Variants in NRG1 observed in about 807,000 individuals in gnomAD.
The protein encoded by NRG1 is neuregulin 1, also known as pro-neuregulin-1, membrane-bound isoform.
NRG1 carries 18 observed loss-of-function variants against 63.8 expected under a neutral mutation model. That is an observed-to-expected ratio of 0.28 (90% CI 0.19 to 0.42). The LOEUF is 0.42. Among genes scored for constraint, NRG1 ranks in the 10% least tolerant of loss-of-function variants. NRG1 has a pLI of 1.00. For synonymous variants in NRG1, 302 were observed against 301.3 expected (o/e 1.00, Z -0.02); for missense variants, 762 against 814.7 (o/e 0.94, Z 0.79).
chr8:31,920,253 A>T (rs1833787111), intron 1 of NRG1, among the ~76,000 whole-genome samples: 1 of 152,162 alleles, frequency 6.6e-6, no homozygotes, highest in Admixed American at 6.6e-5. Flanking sequence ...CACTGTACAT[A>T]AATATTTTGA....
intron 1 of NRG1, among the ~76,000 whole-genome samples, chr8:32,122,335 T>A (rs971514102): frequency 6.6e-6 from 1 of 151,978 alleles, no homozygotes; most frequent in African/African-American, 2.4e-5. Context: ...GGTGGGTTTT[T>A]GGTAGTCACA....
chr8:32,639,923 A>G (rs1206212642), intron 5 of NRG1, among the ~76,000 whole-genome samples: 1 of 152,234 alleles, frequency 6.6e-6, no homozygotes, highest in Non-Finnish European at 1.5e-5. Context: ...CTCTTACTGC[A>G]TTAAACTACA....
intron 1 of NRG1, among the ~76,000 whole-genome samples, chr8:32,303,663 G>A (rs1035987001): frequency 5.9e-5 from 9 of 152,142 alleles, no homozygotes; most frequent in African/African-American, 1.9e-4. Context: ...TAATGGTTTC[G>A]TTTTCTCATC....
intron 5 of NRG1, among the ~76,000 whole-genome samples, chr8:32,666,808 G>C (rs1451375178): frequency 3.9e-5 from 6 of 152,072 alleles, no homozygotes; most frequent in African/African-American, 7.3e-5. Flanking sequence ...CCAGTCCCTG[G>C]CAACCACCAT....
chr8:31,954,896 C>G (rs891920630), intron 1 of NRG1, among the ~76,000 whole-genome samples: 1 of 152,118 alleles, frequency 6.6e-6, no homozygotes, highest in Non-Finnish European at 1.5e-5. Flanking sequence ...ACCTCCAATA[C>G]TTTAGCTGGA....
chr8:32,434,903 G>A (rs1818595101), intron 1 of NRG1, among the ~76,000 whole-genome samples: 1 of 152,148 alleles, frequency 6.6e-6, no homozygotes, highest in South Asian at 2.1e-4. Flanking sequence ...GTATATGGAA[G>A]GATGTGCATA....
intron 1 of NRG1, among the ~76,000 whole-genome samples, chr8:32,070,997 G>A (rs1825680309): frequency 6.6e-6 from 1 of 152,002 alleles, no homozygotes; most frequent in African/African-American, 2.4e-5. Flanking sequence ...CCACTTCGAG[G>A]CCTCACACCT....
At chr8:32,446,927 A>G (rs1820319404) in intron 1 of NRG1, among the ~76,000 whole-genome samples, 1 of 152,172 alleles carries the variant, frequency 6.6e-6, no homozygotes, top group Non-Finnish European at 1.5e-5. Context: ...TAAAATAGCC[A>G]TGGGGAAAAA....
chr8:32,735,065 A>G (rs1824658245), intron 6 of NRG1, among the ~76,000 whole-genome samples: 1 of 152,212 alleles, frequency 6.6e-6, no homozygotes, highest in South Asian at 2.1e-4. Context: ...ACAATGAAAG[A>G]CCTAGTCAGA....
intron 1 of NRG1, among the ~76,000 whole-genome samples, chr8:32,085,173 A>G (rs1191785329): frequency 1.3e-5 from 2 of 152,192 alleles, no homozygotes; most frequent in Admixed American, 6.5e-5. Flanking sequence ...TTTAAAATTT[A>G]TATCCACTCG....
intron 1 of NRG1, among the ~76,000 whole-genome samples, chr8:32,328,601 A>C (rs1802284816): frequency 6.6e-6 from 1 of 152,144 alleles, no homozygotes; most frequent in South Asian, 2.1e-4. Flanking sequence ...GGGAGTATGT[A>C]CAGCAAAAGT....
intron 1 of NRG1, among the ~76,000 whole-genome samples, chr8:32,082,471 TG>T (rs1236574511): frequency 1.3e-5 from 2 of 152,130 alleles, no homozygotes; most frequent in Non-Finnish European, 2.9e-5. Context: ...ATGTAGTATT[TG>T]GTTTTCTGTT....
chr8:32,537,192 T>A (rs1832075526), intron 1 of NRG1, among the ~76,000 whole-genome samples: 1 of 13,078 alleles, frequency 7.6e-5, no homozygotes, highest in Non-Finnish European at 1.4e-4. Context: ...TGAGACTCCA[T>A]CTCAAAAAAA....
At chr8:32,379,148 A>G (rs911403629) in intron 1 of NRG1, among the ~76,000 whole-genome samples, 2 of 149,140 alleles carry the variant, frequency 1.3e-5, no homozygotes, top group South Asian at 2.1e-4. Flanking sequence ...GGAAAGCTCA[A>G]TGAAATCTCC....
Position 32,671,129 on chromosome 8 carries a change from T to TA in NRG1, c.502+54244_502+54245insA. ...TATTCATTTGGGTTTGTTCTTATGC[T>TA]TTTTTTTTTTTTTAGCAAATTAAAA... On this transcript the variant is annotated intron_variant, in intron 5 of 11. Coordinates refer to ENST00000356819, the Ensembl canonical transcript of NRG1. Among the ~76,000 whole-genome samples the TA allele has an allele frequency of 2.3e-5, 3 of 130,996 alleles. No individual in the cohort carries two copies. In the South Asian group the frequency reaches 6.9e-4, roughly 30 times the overall value. The allele number at this position is 130,996 out of a possible 152,430, so 85.9% of individuals were successfully genotyped here. A position where few individuals can be genotyped will look rare whatever the true frequency, so the allele number is the denominator to read the frequency against.
At chr8:32,327,786 T>C (rs982182284) in intron 1 of NRG1, among the ~76,000 whole-genome samples, 4 of 152,224 alleles carry the variant, frequency 2.6e-5, no homozygotes. Context: ...GGAAGCCTTA[T>C]TAGGTGGTGA....
chr8:31,954,894 T>C (rs1041432828), intron 1 of NRG1, among the ~76,000 whole-genome samples: 1 of 152,150 alleles, frequency 6.6e-6, no homozygotes, highest in Non-Finnish European at 1.5e-5. Flanking sequence ...TGACCTCCAA[T>C]ACTTTAGCTG....
intron 9 of NRG1, 151 bp from the exon 10 acceptor site, chr8:32,759,155 T>C (rs1158189972): frequency 5.7e-6 from 5 of 876,342 alleles, no homozygotes; most frequent in African/African-American, 3.4e-5. Flanking sequence ...ACCTGGCCAT[T>C]GGGGAAATGG....
intron 1 of NRG1, among the ~76,000 whole-genome samples, chr8:32,499,790 G>A (rs960371908): frequency 6.6e-6 from 1 of 152,190 alleles, no homozygotes; most frequent in Non-Finnish European, 1.5e-5. Flanking sequence ...AACATGTTCT[G>A]GTGAGCTTCC....
Sources: gnomAD v4.1 joint callset for allele counts (sites outside exome capture counted in the v4.1 genomes callset) on GRCh38, gnomAD v4.1.1 for gene constraint, MANE v1.5 for transcripts, NCBI Gene and HGNC (gene_info 2026-07-23, HGNC 2026-07-21) for gene names.